Variants in STARD13 observed in about 807,000 individuals in gnomAD.
STARD13 encodes the protein stAR-related lipid transfer protein 13.
Under a neutral mutation model 106.4 loss-of-function variants are expected in STARD13, and 62 were observed. That is an observed-to-expected ratio of 0.58 (90% CI 0.48 to 0.72). STARD13 has a LOEUF of 0.72. STARD13 is among the 30% of genes least tolerant of loss of function. STARD13 has a pLI of 0.00. For synonymous variants in STARD13, 565 were observed against 553.0 expected, an observed-to-expected ratio of 1.02 and a Z score of -0.31; for missense variants, 1,387 against 1,424.0, an observed-to-expected ratio of 0.97 and a Z score of 0.42.
At chr13:33,120,324 A>G (rs946601908) in intron 7 of STARD13, among the ~76,000 whole-genome samples, 5 of 152,218 alleles carry the variant, frequency 3.3e-5, no homozygotes, top group Admixed American at 6.5e-5. Flanking sequence ...GCACACACAC[A>G]TCCCAGAGAT....
intron 1 of STARD13, among the ~76,000 whole-genome samples, chr13:33,193,687 C>T (rs1185682115): frequency 6.6e-6 from 1 of 152,200 alleles, no homozygotes. Context: ...CTGCTCAGAG[C>T]TGACTTCCTG....
At chr13:33,392,637 TG>T in the STARD13 span, among the ~76,000 whole-genome samples, 1 of 151,532 alleles carries the variant, frequency 6.6e-6, no homozygotes, top group African/African-American at 2.4e-5. Context: ...TGACCTCAGG[TG>T]ATCTGCCCGC....
chr13:33,226,372 A>T (rs1295452866), intron 1 of STARD13, among the ~76,000 whole-genome samples: 1 of 151,912 alleles, frequency 6.6e-6, no homozygotes, highest in East Asian at 1.9e-4. Flanking sequence ...CTTTAGTAAA[A>T]GTCTACTGCC....
At chr13:33,456,750 G>A in the STARD13 span, among the ~76,000 whole-genome samples, 7 of 152,258 alleles carry the variant, frequency 4.6e-5, no homozygotes, top group African/African-American at 1.7e-4. Context: ...CTTCCACTAT[G>A]TGGGAATACA....
intron 1 of STARD13, among the ~76,000 whole-genome samples, chr13:33,225,299 G>T (rs952216394): frequency 3.9e-5 from 6 of 152,142 alleles, no homozygotes; most frequent in African/African-American, 1.4e-4. Context: ...GCTGTGCAGG[G>T]TCTTTGAGCC....
the STARD13 span, among the ~76,000 whole-genome samples, chr13:33,584,462 G>T: frequency 6.6e-6 from 1 of 151,766 alleles, no homozygotes; most frequent in Non-Finnish European, 1.5e-5. Flanking sequence ...TCAAGGGGAT[G>T]GTGGTAAACC....
chr13:33,216,452 G>A (rs1888047084), intron 1 of STARD13, among the ~76,000 whole-genome samples: 1 of 152,168 alleles, frequency 6.6e-6, no homozygotes, highest in Non-Finnish European at 1.5e-5. Flanking sequence ...TCTAAGTGAA[G>A]TAACTCAGGA....
chr13:33,113,324 C>A (rs1184655409), intron 8 of STARD13: 1 of 368,200 alleles, frequency 2.7e-6, no homozygotes, highest in Non-Finnish European at 5.3e-6. Context: ...CCCTGACAGA[C>A]AGCTTGGGAA....
At chr13:33,493,251 C>T in the STARD13 span, among the ~76,000 whole-genome samples, 1 of 152,172 alleles carries the variant, frequency 6.6e-6, no homozygotes, top group Non-Finnish European at 1.5e-5. Flanking sequence ...GGCTCAGACA[C>T]TCACACAACC....
At chr13:33,176,548 T>G (rs960463368) in intron 1 of STARD13, among the ~76,000 whole-genome samples, 5 of 152,242 alleles carry the variant, frequency 3.3e-5, no homozygotes, top group Admixed American at 2.0e-4. Context: ...GTCTGCTCTC[T>G]AAGGGATTTT....
At chr13:33,336,851 G>A (rs2077902833) in intron 1 of STARD13, 1 of 151,486 alleles carries the variant, frequency 6.6e-6, no homozygotes, top group South Asian at 2.1e-4. Flanking sequence ...AAGTGAAAAC[G>A]CATGGATGCA....
In STARD13 at chr13:33,106,654, C is replaced by A. The variant is rs528584209; in HGVS notation, c.3224+104G>T. 6 of 1,134,490 alleles carry A rather than the reference C, an allele frequency of 5.3e-6. No individual in the cohort carries two copies. In the South Asian group the frequency reaches 7.5e-5, roughly 14 times the overall value. 70.3% of individuals were successfully genotyped at this position (1,134,490 alleles called of 1,614,324 possible). A position where few individuals can be genotyped will look rare whatever the true frequency, so the allele number is the denominator to read the frequency against. ...AAGCACACTAATGGCAATGAGGAAA[C>A]AAATACAGTGAAATAAGAAATCAGG... On this transcript the variant is annotated intron_variant, in intron 13 of 13. Transcript: ENST00000336934.
the STARD13 span, among the ~76,000 whole-genome samples, chr13:33,376,596 G>A: frequency 5.9e-5 from 9 of 151,506 alleles, no homozygotes; most frequent in African/African-American, 2.2e-4. Flanking sequence ...ACTCTATCCT[G>A]ACCAACATAG....
chr13:33,671,570 A>C, the STARD13 span, among the ~76,000 whole-genome samples: 9 of 147,448 alleles, frequency 6.1e-5, no homozygotes, highest in Non-Finnish European at 1.0e-4. Context: ...TGTCTACAAA[A>C]AATACAAAAA....
At chr13:33,356,405 T>A in the STARD13 span, among the ~76,000 whole-genome samples, 1 of 152,200 alleles carries the variant, frequency 6.6e-6, no homozygotes, top group Non-Finnish European at 1.5e-5. Flanking sequence ...TTAAGGTCAA[T>A]GAACACATCA....
At chr13:33,234,683 C>G (rs1204421301) in intron 1 of STARD13, among the ~76,000 whole-genome samples, 1 of 152,172 alleles carries the variant, frequency 6.6e-6, no homozygotes, top group African/African-American at 2.4e-5. Context: ...TCTCTTTGGC[C>G]TGAGGCAAGT....
At chr13:33,137,190 CTG>C (rs1311530664) in intron 4 of STARD13, among the ~76,000 whole-genome samples, 2 of 152,170 alleles carry the variant, frequency 1.3e-5, no homozygotes, top group African/African-American at 4.8e-5. Context: ...GTATCTTAGT[CTG>C]TGGCAGACTG....
the STARD13 span, among the ~76,000 whole-genome samples, chr13:33,369,636 G>C: frequency 6.6e-6 from 1 of 152,060 alleles, no homozygotes; most frequent in Non-Finnish European, 1.5e-5. Flanking sequence ...TTGTACAAAG[G>C]ATCTGAAAGC....
rs183643563 is a variant in STARD13, at chr13:33,350,523, G to A, written c.-110C>T. 4.7e-3 allele frequency: 6,823 copies of A among 1,446,326 alleles called. 305 individuals are homozygous for A. The Admixed American group carries it at 0.096, about 20-fold the overall frequency. The allele number at this position is 1,446,326 out of a possible 1,614,324, so 89.6% of individuals were successfully genotyped here. A position where few individuals can be genotyped will look rare whatever the true frequency, so the allele number is the denominator to read the frequency against. ...GGACGGACGCGGCACTCCCGCCGGG[G>A]TCCCGGGACCCAATGCGGGCGCGAC... On this transcript the variant is annotated 5_prime_UTR_variant, in exon 1 of 2. Transcript: ENST00000439831.
Sources: allele counts gnomAD v4.1 joint callset (sites outside exome capture counted in the v4.1 genomes callset), GRCh38; gene constraint gnomAD v4.1.1; transcripts MANE v1.5; gene names NCBI Gene and HGNC (gene_info 2026-07-23, HGNC 2026-07-21).